Variants in ADGRL3 observed in about 807,000 individuals in gnomAD.
ADGRL3 encodes the protein adhesion G protein-coupled receptor L3, also known as calcium-independent alpha-latrotoxin receptor 3.
Under a neutral mutation model 153.5 loss-of-function variants are expected in ADGRL3, and 62 were observed. The ratio of observed to expected loss-of-function variants is 0.40; its 90% CI spans 0.33 to 0.50. The LOEUF (loss-of-function observed/expected upper bound fraction) is 0.50, where lower values mean the gene tolerates loss of function less well. Among genes scored for constraint, ADGRL3 ranks in the 20% least tolerant of loss-of-function variants. The probability of loss-of-function intolerance (pLI) is 0.47; values close to 1 mark genes in which losing one functional copy is unlikely to be tolerated. For missense variants in ADGRL3, 1,641 were observed against 1,859.4 expected, an observed-to-expected ratio of 0.88 and a Z score of 2.16; for synonymous variants, 710 against 672.5, an observed-to-expected ratio of 1.06 and a Z score of -0.86.
intron 8 of ADGRL3, among the ~76,000 whole-genome samples, chr4:61,768,524 A>C (rs371755096): frequency 1.6e-4 from 24 of 152,084 alleles, no homozygotes; most frequent in Non-Finnish European, 2.9e-4. Flanking sequence ...ACCTCAGACC[A>C]TTTGCCCATT....
chr4:61,572,964 A>G (rs1474774607), intron 4 of ADGRL3, among the ~76,000 whole-genome samples: 1 of 152,016 alleles, frequency 6.6e-6, no homozygotes, highest in Non-Finnish European at 1.5e-5. Flanking sequence ...CCAAAAATTC[A>G]GATAATTTAC....
At chr4:61,366,884 A>C (rs1219467325) in intron 1 of ADGRL3, among the ~76,000 whole-genome samples, 1 of 152,154 alleles carries the variant, frequency 6.6e-6, no homozygotes, top group Non-Finnish European at 1.5e-5. Context: ...TTTACAATTG[A>C]CTGTGAATGT....
intron 4 of ADGRL3, among the ~76,000 whole-genome samples, chr4:61,544,021 C>A: frequency 6.6e-6 from 1 of 152,198 alleles, no homozygotes; most frequent in East Asian, 1.9e-4. Flanking sequence ...TAGGATGCTT[C>A]TAACTCTTTA....
At chr4:61,330,194 T>C (rs1211223535) in intron 1 of ADGRL3, among the ~76,000 whole-genome samples, 1 of 152,200 alleles carries the variant, frequency 6.6e-6, no homozygotes, top group Non-Finnish European at 1.5e-5. Context: ...TTGATGTGTT[T>C]ACTTGACTGG....
chr4:61,574,244 C>A (rs2098853182), intron 4 of ADGRL3, among the ~76,000 whole-genome samples: 1 of 151,882 alleles, frequency 6.6e-6, no homozygotes, highest in African/African-American at 2.4e-5. Context: ...ATATGTGCAT[C>A]TGTGTATATG....
intron 4 of ADGRL3, among the ~76,000 whole-genome samples, chr4:61,578,377 A>C (rs1301663397): frequency 2.6e-5 from 4 of 152,096 alleles, no homozygotes; most frequent in Non-Finnish European, 4.4e-5. Context: ...GATAAATTTT[A>C]GCGATTACCA....
chr4:61,908,315 G>A (rs1240199106), intron 11 of ADGRL3, among the ~76,000 whole-genome samples: 1 of 152,080 alleles, frequency 6.6e-6, no homozygotes, highest in African/African-American at 2.4e-5. Context: ...AAAAGAAAAA[G>A]GCCGGGCGTA....
Position 62,031,607 on chromosome 4 carries a change from G to A in ADGRL3, c.3588G>A (p.Lys1196=). 6.3e-7 allele frequency: 1 copy of A among 1,599,400 alleles called. No individual in the cohort carries two copies. Among genetic ancestry groups the A allele is most frequent in the South Asian group, 1.1e-5 (1 of 89,692 alleles). The change falls in exon 23 of 27, where the codon AAG becomes AAA. Residue 1196 remains lysine (K), a synonymous_variant. Transcript: ENST00000683033. The stretch of plus-strand genomic sequence containing the variant: ...TTATTTTCCATTGTGTCCTACAGAA[G>A]AAGGTAAGCTAGAATTCTTTTTTTA... ...FIFIFHCVLQ[K]KVRKEYGKCL... is the part of the protein sequence containing the mutation.
chr4:61,918,660 CAG>C (rs902151311), intron 13 of ADGRL3, among the ~76,000 whole-genome samples: 70 of 152,224 alleles, frequency 4.6e-4, no homozygotes, highest in African/African-American at 1.6e-3. Flanking sequence ...GAAGTTATTG[CAG>C]AGAGGATGAA....
At chr4:61,871,045 A>G (rs6825059) in intron 9 of ADGRL3, among the ~76,000 whole-genome samples, 10,780 of 152,162 alleles carry the variant, frequency 0.071, 406 homozygotes, top group Non-Finnish European at 0.093. Context: ...TTGGGAGGCC[A>G]AGGCGGGCGA....
At chr4:61,371,983 A>G (rs979949654) in intron 1 of ADGRL3, among the ~76,000 whole-genome samples, 1 of 151,788 alleles carries the variant, frequency 6.6e-6, no homozygotes, top group Admixed American at 6.6e-5. Context: ...CATTCATTTC[A>G]TCTTCCATCG....
intron 1 of ADGRL3, among the ~76,000 whole-genome samples, chr4:61,357,488 G>A (rs1250236333): frequency 1.3e-5 from 2 of 152,146 alleles, no homozygotes; most frequent in East Asian, 1.9e-4. Flanking sequence ...ACTATTTAAT[G>A]TATATCAGTT....
chr4:61,318,976 G>A (rs2095296934), intron 1 of ADGRL3, among the ~76,000 whole-genome samples: 1 of 152,042 alleles, frequency 6.6e-6, no homozygotes, highest in Non-Finnish European at 1.5e-5. Context: ...GTTACTCCTT[G>A]CAGCAGTCCC....
intron 2 of ADGRL3, among the ~76,000 whole-genome samples, chr4:61,418,595 A>G (rs2097169995): frequency 6.6e-6 from 1 of 150,792 alleles, no homozygotes; most frequent in Non-Finnish European, 1.5e-5. Context: ...ATAAAATAAT[A>G]CAGATTGATA....
chr4:61,227,356 C>T (rs1181139580), intron 1 of ADGRL3, among the ~76,000 whole-genome samples: 5 of 152,112 alleles, frequency 3.3e-5, no homozygotes, highest in African/African-American at 1.2e-4. Context: ...TAGGTGTGCA[C>T]CACCATGACT....
intron 1 of ADGRL3, among the ~76,000 whole-genome samples, chr4:61,260,472 C>T (rs2092418519): frequency 6.6e-6 from 1 of 152,156 alleles, no homozygotes; most frequent in Non-Finnish European, 1.5e-5. Flanking sequence ...TGGTGTTAGA[C>T]AATGCGGTAT....
chr4:61,255,846 C>A (rs1325878410), intron 1 of ADGRL3, among the ~76,000 whole-genome samples: 2 of 152,170 alleles, frequency 1.3e-5, no homozygotes, highest in Non-Finnish European at 2.9e-5. Flanking sequence ...ACAAATCAAT[C>A]CCTAGTAAGT....
intron 25 of ADGRL3, among the ~76,000 whole-genome samples, chr4:62,061,642 A>G (rs9992679): frequency 0.028 from 4,198 of 152,088 alleles, 207 homozygotes; most frequent in African/African-American, 0.097. Flanking sequence ...CCTGGCAACC[A>G]CTTATCTGTT....
chr4:62,044,615 T>C, intron 25 of ADGRL3, 66 bp downstream of exon 25: 1 of 1,060,596 alleles, frequency 9.4e-7, no homozygotes, highest in South Asian at 1.5e-5. Flanking sequence ...TTAAATTCAT[T>C]GCTTTATTTG....
Sources: gnomAD v4.1 joint callset for allele counts (sites outside exome capture counted in the v4.1 genomes callset) on GRCh38, gnomAD v4.1.1 for gene constraint, MANE v1.5 for transcripts, NCBI Gene and HGNC (gene_info 2026-07-23, HGNC 2026-07-21) for gene names.